XPNPEP2: variants seen among roughly 807,000 people sequenced by gnomAD.
XPNPEP2 encodes the protein X-prolyl aminopeptidase 2, also known as xaa-Pro aminopeptidase 2.
XPNPEP2 carries 64 observed loss-of-function variants against 59.8 expected under a neutral mutation model. That is an observed-to-expected ratio of 1.07 (90% confidence interval 0.87 to 1.32). The LOEUF (loss-of-function observed/expected upper bound fraction) is 1.32, where lower values mean the gene tolerates loss of function less well. Among genes scored for constraint, XPNPEP2 ranks in the 40% most tolerant of loss-of-function variants. XPNPEP2 has a pLI of 0.00. For synonymous variants in XPNPEP2, 235 were observed against 210.0 expected (o/e 1.12, Z -1.03); for missense variants, 575 against 546.8 (o/e 1.05, Z -0.51).
intron 11 of XPNPEP2, among the ~76,000 whole-genome samples, chrX:129,753,463 T>A (rs1926459651): frequency 9.0e-6 from 1 of 110,794 alleles, no homozygotes; most frequent in Non-Finnish European, 1.9e-5. Flanking sequence ...GCCAACATGG[T>A]GAAGCCCTGT....
chrX:129,757,576 C>A (rs756496287), intron 14 of XPNPEP2, among the ~76,000 whole-genome samples: 4 of 107,587 alleles, frequency 3.7e-5, no homozygotes, highest in Admixed American at 1.0e-4. Context: ...GAGGCCGAGG[C>A]GGGCAGATCA....
intron 14 of XPNPEP2, among the ~76,000 whole-genome samples, chrX:129,757,042 A>G (rs1926535130): frequency 1.0e-5 from 1 of 98,873 alleles, no homozygotes; most frequent in South Asian, 5.0e-4. Context: ...ACACACATAT[A>G]TATATACACA....
At chrX:129,761,014 C>T (rs859583) in intron 16 of XPNPEP2, among the ~76,000 whole-genome samples, 158 bp from the exon 17 acceptor site, 9,522 of 112,101 alleles carry the variant, frequency 0.085, 623 homozygotes, top group African/African-American at 0.22. Flanking sequence ...CATCAGCCCT[C>T]CTCCATCCCA....
At chrX:129,749,746 A>G (rs765921326) in intron 7 of XPNPEP2, among the ~76,000 whole-genome samples, 29 of 112,834 alleles carry the variant, frequency 2.6e-4, no homozygotes, top group Admixed American at 9.3e-4. Context: ...ACAGATTTGG[A>G]GACTGAGAAT....
intron 14 of XPNPEP2, among the ~76,000 whole-genome samples, chrX:129,757,873 A>AAG (rs200174393): frequency 3.6e-4 from 24 of 66,739 alleles, no homozygotes; most frequent in African/African-American, 1.5e-3. Context: ...GAGAGAGAGA[A>AAG]AGAGAGAGAG....
chrX:129,757,832 A>AAAGAAAGAAAGAAAG (rs1926561697), intron 14 of XPNPEP2, among the ~76,000 whole-genome samples: 18 of 89,374 alleles, frequency 2.0e-4, no homozygotes, highest in Admixed American at 7.6e-4. Context: ...AGAAAGAAAG[A>AAAGAAAGAAAGAAAG]AAGAAAGAAA....
Position 129,746,629 on chromosome X carries a change from C to T in XPNPEP2, c.438C>T (p.Thr146=), listed in dbSNP as rs754364604. The part of the protein sequence containing the change: ...GTTPIVTWLL[T]EIPAGGRVGF... ...CTCCTATTGTCACCTGGCTCCTCAC[C>T]GAGATTCCTGCTGGAGGGCGTGTGG... Residue 146 remains threonine (T), a synonymous_variant, in exon 6 of 21, where the codon ACC becomes ACT. Coordinates refer to ENST00000371106, the MANE Select transcript of XPNPEP2 (RefSeq NM_003399.6). 2.5e-6 allele frequency: 3 copies of T among 1,208,404 alleles called. No homozygotes were observed. Among genetic ancestry groups the T allele is most frequent in the African/African-American group, 1.8e-5 (1 of 56,614 alleles).
In XPNPEP2 at chrX:129,753,197, G is replaced by C; in HGVS notation, c.1056G>C (p.Met352Ile). 4 of 1,211,656 alleles carry C rather than the reference G, an allele frequency of 3.3e-6. No homozygotes were observed. Among genetic ancestry groups the C allele is most frequent in the Non-Finnish European group, 4.5e-6 (4 of 895,484 alleles). ...CAGACACCTACTCCCCAGTGATGATGACCAAGGCAGTGAAGAACAGCAAGG... is the reference window on the plus strand; with the variant it reads ...CAGACACCTACTCCCCAGTGATGATCACCAAGGCAGTGAAGAACAGCAAGG... ...LVTDTYSPVMMTKAVKNSKEQ... is the reference protein window; with the variant it reads ...LVTDTYSPVMITKAVKNSKEQ... The change falls in exon 11 of 21, where the codon ATG becomes ATC. Residue 352 changes from methionine (M) to isoleucine (I), a missense_variant. By Grantham distance (10) the Met-to-Ile change is conservative (BLOSUM62 1). Transcript: ENST00000371106.
chrX:129,768,138 G>A (rs1183483986), intron 20 of XPNPEP2, among the ~76,000 whole-genome samples, 153 bp from the exon 21 acceptor site: 1 of 111,119 alleles, frequency 9.0e-6, no homozygotes, highest in Admixed American at 9.6e-5. Context: ...AAAAGCCCCA[G>A]AGAATTCCTG....
chrX:129,739,176 G>T lies in XPNPEP2; in HGVS notation c.-38G>T. On this transcript the variant is annotated 5_prime_UTR_variant, in exon 1 of 21. Transcript: ENST00000371106. Reference sequence around the variant, plus strand: ...GGAAAGAGCCCTCCCTCTCTCCCTTGTCCCTCCATCCACCCAGCGCCGGCA... The same window carrying T: ...GGAAAGAGCCCTCCCTCTCTCCCTTTTCCCTCCATCCACCCAGCGCCGGCA... 1 of 1,198,424 alleles carries T rather than the reference G, an allele frequency of 8.3e-7. No individual in the cohort carries two copies. Among genetic ancestry groups the T allele is most frequent in the Non-Finnish European group, 1.1e-6 (1 of 888,930 alleles).
At chrX:129,757,032 A>G (rs921470579) in intron 14 of XPNPEP2, among the ~76,000 whole-genome samples, 15 of 97,794 alleles carry the variant, frequency 1.5e-4, no homozygotes, top group Non-Finnish European at 2.8e-4. Context: ...ATACACACAC[A>G]CACACATATA....
chrX:129,755,205 A>G lies in XPNPEP2; in HGVS notation c.1218-89A>G, dbSNP rs1461536896. 3 of 926,127 alleles carry G rather than the reference A, an allele frequency of 3.2e-6. No homozygotes were observed. In the African/African-American group the frequency reaches 5.8e-5, roughly 18 times the overall value. 76.3% of individuals were successfully genotyped at this position (926,127 alleles called of 1,213,427 possible). ...GTCCAGTTGAGAGGTAGAGGCAGCCATGACCTTCATTGGATTTGATTAGAT... is the reference window on the plus strand; with the variant it reads ...GTCCAGTTGAGAGGTAGAGGCAGCCGTGACCTTCATTGGATTTGATTAGAT... On this transcript the variant is annotated intron_variant, in intron 12 of 20. Coordinates refer to ENST00000371106, the MANE Select transcript of XPNPEP2 (RefSeq NM_003399.6).
intron 11 of XPNPEP2, 95 bp downstream of exon 11, chrX:129,753,343 C>T: frequency 1.1e-6 from 1 of 870,238 alleles, no homozygotes; most frequent in Non-Finnish European, 1.7e-6. Context: ...AGAAGACCCT[C>T]AATGAAACAA....
Position 129,752,253 on chromosome X carries a change from C to T in XPNPEP2, c.925C>T (p.Arg309Cys), listed in dbSNP as rs151254296. 6.6e-6 allele frequency: 8 copies of T among 1,210,282 alleles called. No homozygotes were observed. The East Asian group carries it at 1.2e-4, about 18-fold the overall frequency. Reference sequence around the variant, plus strand: ...GCAAATCGAGGATTACAGCCAAGTTCGTGACAGCATCCAGGCCTACTCATT... The same window carrying T: ...GCAAATCGAGGATTACAGCCAAGTTTGTGACAGCATCCAGGCCTACTCATT... Reference protein sequence around the residue: ...CVQIEDYSQVRDSIQAYSLGD... With the variant: ...CVQIEDYSQVCDSIQAYSLGD... The change falls in exon 10 of 21, where the codon CGT becomes TGT. Residue 309 changes from arginine (R) to cysteine (C), a missense_variant. Transcript: ENST00000371106.
rs1443999772 is a variant in XPNPEP2 at position 129,757,889 on chromosome X, GAGAGAGAAAGAAAGAA to G, written c.1368-1287_1368-1272del. 9.3e-3 allele frequency among the ~76,000 whole-genome samples: 684 copies of G among 73,862 alleles called. 15 individuals carry two copies. Among genetic ancestry groups the G allele is most frequent in the African/African-American group, 0.03 (415 of 13,998 alleles). 64.1% of individuals were successfully genotyped at this position (73,862 alleles called of 115,157 possible). On this transcript the variant is annotated intron_variant, in intron 14 of 20. Coordinates refer to ENST00000371106, the MANE Select transcript of XPNPEP2 (RefSeq NM_003399.6). ...AGAGAGAGAAAGAGAGAGAGAGAGA[GAGAGAGAAAGAAAGAA>G]AGAAAGAAAGAAAGAAAGAAAGAAA...
In XPNPEP2 at chrX:129,744,045, A is replaced by G. The variant is rs1926248570; in HGVS notation, c.208A>G (p.Ile70Val). 2 of 1,211,288 alleles carry G rather than the reference A, an allele frequency of 1.7e-6. No individual in the cohort carries two copies. The highest frequency in any genetic ancestry group is 1.1e-6 in the Non-Finnish European group (1 of 895,168). ...GCAGACCCAGAATCTCTCAGCCTACATCATCCCAGGCACAGATGCTCACAT... is the reference window on the plus strand; with the variant it reads ...GCAGACCCAGAATCTCTCAGCCTACGTCATCCCAGGCACAGATGCTCACAT... Reference protein sequence around the residue: ...QMQTQNLSAYIIPGTDAHMNE... With the variant: ...QMQTQNLSAYVIPGTDAHMNE... Residue 70 changes from isoleucine (I) to valine (V), a missense_variant, in exon 3 of 21, where the codon ATC becomes GTC. Coordinates refer to ENST00000371106, the MANE Select transcript of XPNPEP2 (RefSeq NM_003399.6).
chrX:129,768,692 C>T lies in XPNPEP2; in HGVS notation c.*207C>T. 2.9e-6 allele frequency: 1 copy of T among 342,776 alleles called. No homozygotes were observed. Among genetic ancestry groups the T allele is most frequent in the Non-Finnish European group, 5.0e-6 (1 of 201,465 alleles). The allele number at this position is 342,776 out of a possible 1,213,427, so 28.2% of individuals were successfully genotyped here. ...CTTGGCCCCAGATGGCACCTCCCTG[C>T]ACCCCGGGGTTGTATACCACACCCT... On this transcript the variant is annotated 3_prime_UTR_variant, in exon 21 of 21. Coordinates refer to ENST00000371106, the MANE Select transcript of XPNPEP2 (RefSeq NM_003399.6).
chrX:129,768,339 C>A lies in XPNPEP2; in HGVS notation c.1879C>A (p.Pro627Thr), dbSNP rs1224245761. The A allele has an allele frequency of 8.3e-7, 1 of 1,205,940 alleles. No individual in the cohort carries two copies. The highest frequency in any genetic ancestry group is 1.1e-6 in the Non-Finnish European group (1 of 892,971). ...CCAGACCATCCGGGAGAAGGTGGGT[C>A]CAGAGCTGCAGAGGCGCCAGCTACT... is the stretch of plus-strand genomic sequence containing the variant. Reference protein sequence around the residue: ...YYQTIREKVGPELQRRQLLEE... With the variant: ...YYQTIREKVGTELQRRQLLEE... The change falls in exon 21 of 21, where the codon CCA (proline) becomes ACA (threonine). Residue 627 changes from proline (P) to threonine (T), a missense_variant. Transcript: ENST00000371106.
intron 2 of XPNPEP2, 40 bp downstream of exon 2, chrX:129,742,221 C>T (rs1181192698): frequency 1.8e-5 from 13 of 714,205 alleles, no homozygotes; most frequent in Middle Eastern, 6.0e-4. Flanking sequence ...CCCCCTGGCC[C>T]CACGCACCCC....
Sources: allele counts gnomAD v4.1 joint callset (sites outside exome capture counted in the v4.1 genomes callset), GRCh38; gene constraint gnomAD v4.1.1; transcripts MANE v1.5; gene names NCBI Gene and HGNC (gene_info 2026-07-23, HGNC 2026-07-21).